CELF4: variants seen among roughly 807,000 people sequenced by gnomAD.
CELF4 encodes CUG-BP- and ETR-3-like factor 4.
Under a neutral mutation model 59.9 loss-of-function variants are expected in CELF4, and 18 were observed. The ratio of observed to expected loss-of-function variants is 0.30; its 90% CI spans 0.21 to 0.45. CELF4 has a LOEUF of 0.45. Among genes scored for constraint, CELF4 ranks in the 20% least tolerant of loss-of-function variants. The pLI is 1.00. For missense variants in CELF4, 456 were observed against 689.0 expected, an observed-to-expected ratio of 0.66 and a Z score of 3.79; for synonymous variants, 261 against 267.1, an observed-to-expected ratio of 0.98 and a Z score of 0.22.
chr18:37,272,959 C>A, intron 7 of CELF4, 57 bp downstream of exon 7: 1 of 1,536,190 alleles, frequency 6.5e-7, no homozygotes. Flanking sequence ...AGGTCCCAGC[C>A]TGGGGCCAGC....
chr18:37,409,731 A>T (rs983753259), intron 2 of CELF4, among the ~76,000 whole-genome samples: 1 of 152,056 alleles, frequency 6.6e-6, no homozygotes, highest in Admixed American at 6.6e-5. Context: ...TAGGGAGGGG[A>T]CAGAAGTGTC....
intron 3 of CELF4, among the ~76,000 whole-genome samples, chr18:37,290,131 A>C (rs1383193634): frequency 6.6e-6 from 1 of 152,066 alleles, no homozygotes; most frequent in Non-Finnish European, 1.5e-5. Context: ...GATGGTGCTG[A>C]GCTGGGGAGG....
intron 10 of CELF4, 26 bp downstream of exon 10, chr18:37,264,648 G>T: frequency 6.5e-7 from 1 of 1,549,400 alleles, no homozygotes; most frequent in Non-Finnish European, 8.7e-7. Context: ...GGAGGGAGGG[G>T]CCCAGGAGCT....
chr18:37,538,158 C>G (rs2099975131), intron 1 of CELF4, among the ~76,000 whole-genome samples: 1 of 152,228 alleles, frequency 6.6e-6, no homozygotes, highest in Non-Finnish European at 1.5e-5. Context: ...GCCTCCTCAT[C>G]CCAGGGGATG....
At chr18:37,358,229 G>T (rs1215776458) in intron 2 of CELF4, among the ~76,000 whole-genome samples, 1 of 152,080 alleles carries the variant, frequency 6.6e-6, no homozygotes, top group Non-Finnish European at 1.5e-5. Context: ...TGAATCATGC[G>T]GGCAAGTCAT....
Position 37,254,134 on chromosome 18 carries a change from G to A in CELF4, c.1334-196C>T, listed in dbSNP as rs900479438. Among the ~76,000 whole-genome samples, 2 of 150,536 alleles carry A rather than the reference G, an allele frequency of 1.3e-5. No homozygotes were observed. Among genetic ancestry groups the A allele is most frequent in the African/African-American group, 4.9e-5 (2 of 41,202 alleles). ...CTAGGCCCCTCCGGGGGCAGGCGCT[G>A]GCGGGGACCCGGCTCGCTGACCTGC... On this transcript the variant is annotated intron_variant, in intron 11 of 12. Transcript: ENST00000420428. The surrounding 1 kb of genome is among the most constrained non-coding windows in gnomAD (Gnocchi z 5.1).
chr18:37,540,384 CAG>C (rs758411215), intron 1 of CELF4, among the ~76,000 whole-genome samples: 1 of 152,192 alleles, frequency 6.6e-6, no homozygotes, highest in African/African-American at 2.4e-5. Flanking sequence ...TACTTTAAAA[CAG>C]GGAAAACGGG....
chr18:37,514,461 T>C (rs528393777), intron 1 of CELF4, among the ~76,000 whole-genome samples: 237 of 152,270 alleles, frequency 1.6e-3, no homozygotes, highest in Non-Finnish European at 2.5e-3. Context: ...TGGATGCTGA[T>C]GAGAAGGAAA....
At chr18:37,534,033 C>A (rs763513486) in intron 1 of CELF4, among the ~76,000 whole-genome samples, 3 of 152,226 alleles carry the variant, frequency 2.0e-5, no homozygotes, top group Non-Finnish European at 4.4e-5. Context: ...GGACTGTGGA[C>A]CTGGCCGCTG....
chr18:37,563,071 A>G (rs1176020918), intron 1 of CELF4, among the ~76,000 whole-genome samples: 1 of 150,712 alleles, frequency 6.6e-6, no homozygotes, highest in Non-Finnish European at 1.5e-5. Context: ...CTATATCTAT[A>G]TATAAAATAT....
At chr18:37,419,790 C>T (rs1229303168) in intron 2 of CELF4, among the ~76,000 whole-genome samples, 1 of 152,146 alleles carries the variant, frequency 6.6e-6, no homozygotes, top group East Asian at 1.9e-4. Context: ...TTTTTAAGGA[C>T]AAAGAGAGAA....
chr18:37,266,219 A>T (rs1488738941), intron 9 of CELF4: 3 of 499,638 alleles, frequency 6.0e-6, no homozygotes, highest in African/African-American at 5.8e-5. Context: ...GCTCCTGGGC[A>T]AAGTGGCCCT....
chr18:37,266,864 G>A (rs1189211800), intron 8 of CELF4, among the ~76,000 whole-genome samples: 1 of 152,114 alleles, frequency 6.6e-6, no homozygotes, highest in East Asian at 1.9e-4. Flanking sequence ...GGGTAAGATG[G>A]GGGCTCATGC....
chr18:37,306,963 G>T (rs2096443441), intron 3 of CELF4, among the ~76,000 whole-genome samples: 1 of 152,228 alleles, frequency 6.6e-6, no homozygotes, highest in Admixed American at 6.5e-5. Context: ...CCAGGGAGAG[G>T]GGAGAGGAGC....
intron 3 of CELF4, among the ~76,000 whole-genome samples, chr18:37,290,053 G>T (rs2095226517): frequency 6.6e-6 from 1 of 152,166 alleles, no homozygotes; most frequent in Non-Finnish European, 1.5e-5. Context: ...CAGCATGGAG[G>T]GGCATGGCTG....
chr18:37,458,511 C>A (rs1006610069), intron 2 of CELF4, among the ~76,000 whole-genome samples: 17 of 152,198 alleles, frequency 1.1e-4, no homozygotes, highest in Non-Finnish European at 8.8e-5. Context: ...GTTCTTCAAC[C>A]TGCTATTTTT....
intron 1 of CELF4, among the ~76,000 whole-genome samples, chr18:37,510,597 A>G (rs2099943136): frequency 6.6e-6 from 1 of 152,172 alleles, no homozygotes; most frequent in Non-Finnish European, 1.5e-5. Context: ...ATGAAACTCG[A>G]CTTGCCCTTG....
At chr18:37,351,262 T>C (rs1209515051) in intron 2 of CELF4, among the ~76,000 whole-genome samples, 3 of 152,348 alleles carry the variant, frequency 2.0e-5, no homozygotes, top group Middle Eastern at 3.4e-3. Flanking sequence ...TGTTGATTAA[T>C]GCAATTTATC....
intron 2 of CELF4, among the ~76,000 whole-genome samples, chr18:37,470,887 T>TGAGA (rs1557426553): frequency 2.8e-5 from 2 of 71,926 alleles, no homozygotes; most frequent in African/African-American, 5.4e-5. Context: ...TGTGTGTGTG[T>TGAGA]GACAGAGAGA....
Sources: allele counts gnomAD v4.1 joint callset (sites outside exome capture counted in the v4.1 genomes callset), GRCh38; gene constraint gnomAD v4.1.1; non-coding constraint Gnocchi (gnomAD v3.1); transcripts MANE v1.5; gene names NCBI Gene and HGNC (gene_info 2026-07-23, HGNC 2026-07-21).